The following RPRD2 variants were observed in gnomAD, a reference collection of about 807,000 sequenced individuals.
RPRD2 encodes the protein regulation of nuclear pre-mRNA domain containing 2, also known as regulation of nuclear pre-mRNA domain-containing protein 2.
In RPRD2, 12 loss-of-function variants were observed where a neutral mutation model predicts 104.4. The ratio of observed to expected loss-of-function variants is 0.11; its 90% CI spans 0.07 to 0.19. RPRD2 has a LOEUF of 0.19. RPRD2 is among the 10% of genes least tolerant of loss of function. The probability of loss-of-function intolerance (pLI) is 1.00; values close to 1 mark genes in which losing one functional copy is unlikely to be tolerated. For synonymous variants in RPRD2, 714 were observed against 684.9 expected (o/e 1.04, Z -0.66); for missense variants, 1,543 against 1,790.1 (o/e 0.86, Z 2.49).
Position 150,408,158 on chromosome 1 carries a change from A to ATTTTTTTT in RPRD2, c.206-9422_206-9415dup, listed in dbSNP as rs10684924. Reference sequence around the variant, plus strand: ...ACATTTATTTTAAAATATTCATATGATTTTTTTTTTTTTTTTTTTTTTTGG... The same window carrying ATTTTTTTT: ...ACATTTATTTTAAAATATTCATATGATTTTTTTTTTTTTTTTTTTTTTTTTTTTTTTGG... On this transcript the variant is annotated intron_variant, in intron 1 of 10. Transcript: ENST00000369068. 5.4e-4 allele frequency among the ~76,000 whole-genome samples: 51 copies of ATTTTTTTT among 95,094 alleles called. 1 individual carries two copies. Among genetic ancestry groups the ATTTTTTTT allele is most frequent in the African/African-American group, 1.4e-3 (31 of 21,426 alleles). 62.4% of individuals were successfully genotyped at this position (95,094 alleles called of 152,430 possible).
chr1:150,467,446 T>C (rs1421532450), intron 10 of RPRD2, among the ~76,000 whole-genome samples: 2 of 151,990 alleles, frequency 1.3e-5, no homozygotes, highest in African/African-American at 4.8e-5. Flanking sequence ...TGATCTCGGC[T>C]CACTGCAACC....
chr1:150,369,084 T>G (rs1553877730), intron 1 of RPRD2, among the ~76,000 whole-genome samples: 1 of 152,174 alleles, frequency 6.6e-6, no homozygotes, highest in East Asian at 1.9e-4. Context: ...CAGTTAGCAA[T>G]CAGTAAATGT....
At chr1:150,399,319 A>G (rs193081549) in intron 1 of RPRD2, among the ~76,000 whole-genome samples, 53 of 152,312 alleles carry the variant, frequency 3.5e-4, no homozygotes, top group African/African-American at 9.4e-4. Flanking sequence ...CCTTAGGTCT[A>G]TAATGCATTT....
At chr1:150,387,055 A>G (rs987819693) in intron 1 of RPRD2, among the ~76,000 whole-genome samples, 2 of 152,240 alleles carry the variant, frequency 1.3e-5, no homozygotes, top group Non-Finnish European at 2.9e-5. Flanking sequence ...GTGTCTACAT[A>G]GTTTTTATGC....
At chr1:150,375,833 A>G (rs1335718655) in intron 1 of RPRD2, among the ~76,000 whole-genome samples, 5 of 152,214 alleles carry the variant, frequency 3.3e-5, no homozygotes, top group African/African-American at 9.6e-5. Flanking sequence ...GAAGGAACTC[A>G]GAGACCCTAA....
intron 7 of RPRD2, among the ~76,000 whole-genome samples, chr1:150,451,710 G>C (rs1369454207): frequency 6.7e-6 from 1 of 149,370 alleles, no homozygotes; most frequent in African/African-American, 2.5e-5. Flanking sequence ...ACCCCAAAAA[G>C]ATGTGTTGAA....
At chr1:150,424,581 C>T (rs782638850) in intron 2 of RPRD2, among the ~76,000 whole-genome samples, 8 of 152,096 alleles carry the variant, frequency 5.3e-5, no homozygotes, top group Non-Finnish European at 1.0e-4. Flanking sequence ...CTACCGCACG[C>T]GGCCCAGATT....
At chr1:150,448,998 C>T (rs1341433514) in intron 7 of RPRD2, among the ~76,000 whole-genome samples, 1 of 152,166 alleles carries the variant, frequency 6.6e-6, no homozygotes, top group Non-Finnish European at 1.5e-5. Context: ...GGCACAGTGG[C>T]TCATGCCTGT....
At chr1:150,452,636 T>G (rs587744267) in intron 7 of RPRD2, among the ~76,000 whole-genome samples, 8 of 151,914 alleles carry the variant, frequency 5.3e-5, no homozygotes, top group African/African-American at 1.9e-4. Flanking sequence ...TGTGAGCTCC[T>G]TTCTGTGTTC....
intron 1 of RPRD2, among the ~76,000 whole-genome samples, chr1:150,396,032 A>G (rs1223068378): frequency 1.3e-5 from 2 of 151,590 alleles, no homozygotes; most frequent in East Asian, 3.9e-4. Flanking sequence ...GATCATGGCC[A>G]CTCTTGGAGG....
rs45595332 is a variant in RPRD2, at chr1:150,473,591, C to T, written c.*257C>T. 55,626 of 187,224 alleles carry T rather than the reference C, an allele frequency of 0.3. 10,363 individuals carry two copies. The highest frequency in any genetic ancestry group is 0.35 in the Non-Finnish European group (33,957 of 97,802). 11.6% of individuals were successfully genotyped at this position (187,224 alleles called of 1,614,324 possible). A position where few individuals can be genotyped will look rare whatever the true frequency, so the allele number is the denominator to read the frequency against. ...AAAAAAAAAAAAAAGTAAAGAAACACAACCAAAGCCATTTCATTTGGCTGG... is the reference window on the plus strand; with the variant it reads ...AAAAAAAAAAAAAAGTAAAGAAACATAACCAAAGCCATTTCATTTGGCTGG... On this transcript the variant is annotated 3_prime_UTR_variant, in exon 11 of 11. Coordinates refer to ENST00000369068, the MANE Select transcript of RPRD2 (RefSeq NM_015203.5).
rs373198505 is a variant in RPRD2, at chr1:150,364,655, C to CCCGCCGCCG, written c.-42_-34dup. 2.4e-3 allele frequency: 2,129 copies of CCCGCCGCCG among 895,878 alleles called. 15 individuals are homozygous for CCCGCCGCCG. The African/African-American group carries it at 0.025, about 11-fold the overall frequency. The allele number at this position is 895,878 out of a possible 1,614,324, so 55.5% of individuals were successfully genotyped here. On this transcript the variant is annotated 5_prime_UTR_variant, in exon 1 of 11. Transcript: ENST00000369068. ...ACTCGCAGTGATTGTTTTGCCCGCT[C>CCCGCCGCCG]CCGCCGCCGCCGCCGCCGCCGCCGC...
chr1:150,388,114 C>T (rs782636419), intron 1 of RPRD2, among the ~76,000 whole-genome samples: 2 of 151,496 alleles, frequency 1.3e-5, no homozygotes, highest in Non-Finnish European at 1.5e-5. Context: ...GACGGGGTCT[C>T]ACTATGTTGC....
At chr1:150,467,249 C>T (rs1300565577) in intron 10 of RPRD2, among the ~76,000 whole-genome samples, 2 of 152,176 alleles carry the variant, frequency 1.3e-5, no homozygotes, top group Non-Finnish European at 2.9e-5. Context: ...AAGTAATAAT[C>T]CACAGCCCCT....
intron 2 of RPRD2, among the ~76,000 whole-genome samples, chr1:150,431,198 A>G (rs1012870191): frequency 6.6e-6 from 1 of 152,176 alleles, no homozygotes; most frequent in Non-Finnish European, 1.5e-5. Context: ...TTCTTGTAGT[A>G]ATGTAAAATG....
intron 10 of RPRD2, among the ~76,000 whole-genome samples, chr1:150,467,667 C>T (rs935700833): frequency 6.6e-6 from 1 of 152,100 alleles, no homozygotes; most frequent in Non-Finnish European, 1.5e-5. Context: ...AACCACCGTG[C>T]CTGGCCGATG....
intron 2 of RPRD2, among the ~76,000 whole-genome samples, chr1:150,433,778 T>C (rs1665787309): frequency 7.9e-6 from 1 of 126,394 alleles, no homozygotes; most frequent in African/African-American, 2.5e-5. Context: ...AAATAAGTTT[T>C]ACACTGGGAA....
intron 2 of RPRD2, among the ~76,000 whole-genome samples, chr1:150,437,462 TAA>T (rs1419345223): frequency 6.6e-6 from 1 of 152,208 alleles, no homozygotes; most frequent in African/African-American, 2.4e-5. Context: ...AGATGATTGT[TAA>T]GAGTTTTTTA....
chr1:150,371,886 A>G (rs1553878426), intron 1 of RPRD2, among the ~76,000 whole-genome samples: 1 of 151,978 alleles, frequency 6.6e-6, no homozygotes, highest in Non-Finnish European at 1.5e-5. Context: ...TAACTAGACT[A>G]TCAAGATTTT....
Sources: gnomAD v4.1 joint callset for allele counts (sites outside exome capture counted in the v4.1 genomes callset) on GRCh38, gnomAD v4.1.1 for gene constraint, MANE v1.5 for transcripts, NCBI Gene and HGNC (gene_info 2026-07-23, HGNC 2026-07-21) for gene names.